The following ARL8B variants were observed in gnomAD, a reference collection of about 807,000 sequenced individuals.
The protein encoded by ARL8B is ADP-ribosylation factor-like protein 8B.
A neutral mutation model predicts 30.6 loss-of-function variants in ARL8B; 9 were observed. The observed-to-expected ratio is 0.29, with a 90% confidence interval of 0.18 to 0.51. The LOEUF is 0.51. Ranked by LOEUF, ARL8B falls within the 20% of genes least tolerant of loss-of-function variation. The pLI, the probability that ARL8B is intolerant of heterozygous loss-of-function variation, is 0.97. For missense variants in ARL8B, 130 were observed against 227.2 expected, an observed-to-expected ratio of 0.57 and a Z score of 2.75; for synonymous variants, 74 against 76.0, an observed-to-expected ratio of 0.97 and a Z score of 0.14.
intron 1 of ARL8B, chr3:5,156,894 C>T (rs2054538589): frequency 6.6e-6 from 1 of 152,192 alleles, no homozygotes; most frequent in African/African-American, 2.4e-5. Flanking sequence ...GAGCCAGTCA[C>T]TGTGCCCAGC....
intron 1 of ARL8B, among the ~76,000 whole-genome samples, chr3:5,144,170 A>G (rs2054399811): frequency 6.6e-6 from 1 of 152,186 alleles, no homozygotes; most frequent in Admixed American, 6.5e-5. Context: ...GGCCAAATCT[A>G]GGTACATTCT....
At chr3:5,124,155 C>T (rs1443429039) in intron 1 of ARL8B, among the ~76,000 whole-genome samples, 1 of 152,064 alleles carries the variant, frequency 6.6e-6, no homozygotes, top group Non-Finnish European at 1.5e-5. Flanking sequence ...AGGTGTGAGC[C>T]ACCGCGCCTG....
chr3:5,173,434 G>A (rs2054695438), intron 4 of ARL8B, among the ~76,000 whole-genome samples: 1 of 152,218 alleles, frequency 6.6e-6, no homozygotes, highest in African/African-American at 2.4e-5. Context: ...TAGTAAACCT[G>A]TACTAAGAAT....
At chr3:5,164,737 C>A (rs964740593) in intron 1 of ARL8B, among the ~76,000 whole-genome samples, 1 of 152,130 alleles carries the variant, frequency 6.6e-6, no homozygotes, top group African/African-American at 2.4e-5. Flanking sequence ...CCAATAATAT[C>A]ATTTGTTGCC....
At chr3:5,173,098 T>C (rs2054691361) in intron 4 of ARL8B, among the ~76,000 whole-genome samples, 1 of 152,122 alleles carries the variant, frequency 6.6e-6, no homozygotes, top group Admixed American at 6.6e-5. Flanking sequence ...GGAAGAAAGG[T>C]GCAAGGGGAT....
At chr3:5,152,247 GT>G (rs1377621642) in intron 1 of ARL8B, among the ~76,000 whole-genome samples, 1 of 152,070 alleles carries the variant, frequency 6.6e-6, no homozygotes, top group Non-Finnish European at 1.5e-5. Context: ...TGCTTTATGT[GT>G]TTTGAAGTTT....
intron 1 of ARL8B, among the ~76,000 whole-genome samples, chr3:5,135,246 G>A (rs528912901): frequency 6.6e-6 from 1 of 152,168 alleles, no homozygotes; most frequent in African/African-American, 2.4e-5. Context: ...AGAACGTTCA[G>A]TAAAAATTAT....
intron 1 of ARL8B, among the ~76,000 whole-genome samples, chr3:5,137,093 G>T (rs1018550398): frequency 1.3e-5 from 2 of 152,080 alleles, no homozygotes; most frequent in African/African-American, 4.8e-5. Context: ...GGATCAGGCA[G>T]GCCTAAATTT....
intron 2 of ARL8B, chr3:5,170,794 C>T (rs1440060797): frequency 1.5e-5 from 6 of 409,210 alleles, no homozygotes; most frequent in Non-Finnish European, 2.2e-5. Flanking sequence ...TGCAGTGTCG[C>T]GATCTCCACT....
At chr3:5,143,066 G>T (rs2054388544) in intron 1 of ARL8B, among the ~76,000 whole-genome samples, 1 of 152,204 alleles carries the variant, frequency 6.6e-6, no homozygotes, top group Non-Finnish European at 1.5e-5. Context: ...ATCTGGTTCA[G>T]GGCAAAGATG....
chr3:5,141,335 C>A (rs948712190), intron 1 of ARL8B, among the ~76,000 whole-genome samples: 1 of 152,200 alleles, frequency 6.6e-6, no homozygotes, highest in African/African-American at 2.4e-5. Context: ...CATCTAAACC[C>A]TTTTGGTCCT....
intron 1 of ARL8B, among the ~76,000 whole-genome samples, chr3:5,125,085 A>T (rs2054218839): frequency 6.6e-6 from 1 of 152,146 alleles, no homozygotes; most frequent in South Asian, 2.1e-4. Flanking sequence ...ACAGCCCTGG[A>T]TTTGAAATCT....
rs11927178 is a variant in ARL8B, at chr3:5,166,185, A to G, written c.124-4318A>G. 9.2e-3 allele frequency among the ~76,000 whole-genome samples: 1,387 copies of G among 151,252 alleles called. 18 individuals carry two copies. Among genetic ancestry groups the G allele is most frequent in the African/African-American group, 0.031 (1,293 of 41,190 alleles). On this transcript the variant is annotated intron_variant, in intron 1 of 6. Coordinates refer to ENST00000256496, the MANE Select transcript of ARL8B (RefSeq NM_018184.3). ...CTCCCAAGTAGTTGGGATTACAGGC[A>G]CGCGCCACCACCCCCAGCTAATTTT...
At chr3:5,132,228 G>C (rs1289526056) in intron 1 of ARL8B, among the ~76,000 whole-genome samples, 1 of 151,786 alleles carries the variant, frequency 6.6e-6, no homozygotes, top group Non-Finnish European at 1.5e-5. Flanking sequence ...CCCTAAGTTA[G>C]GATTGATCAT....
At chr3:5,122,974 T>G (rs1171479079) in intron 1 of ARL8B, among the ~76,000 whole-genome samples, 3 of 152,102 alleles carry the variant, frequency 2.0e-5, no homozygotes, top group Admixed American at 6.6e-5. Context: ...TCCCAAAGGG[T>G]GGGATTTGGC....
chr3:5,126,927 G>A (rs372920276), intron 1 of ARL8B, among the ~76,000 whole-genome samples: 2 of 152,118 alleles, frequency 1.3e-5, no homozygotes, highest in African/African-American at 4.8e-5. Flanking sequence ...AATAGGATTT[G>A]CCAAAATAAT....
intron 1 of ARL8B, among the ~76,000 whole-genome samples, chr3:5,150,132 T>C (rs1463464774): frequency 1.3e-5 from 2 of 152,182 alleles, no homozygotes; most frequent in African/African-American, 4.8e-5. Context: ...CTTCTGTTTT[T>C]GGAGATTATG....
At chr3:5,151,872 A>G (rs397188) in intron 1 of ARL8B, among the ~76,000 whole-genome samples, 151,740 of 152,198 alleles carry the variant, frequency 1, 75,641 homozygotes, top group Middle Eastern at 1. Flanking sequence ...CCACAGGCTC[A>G]CACGACCACG....
At position 5,174,410 on chromosome 3, in the gene ARL8B, T is replaced by C; in HGVS notation, c.507T>C (p.Asn169=). The C allele has an allele frequency of 1.9e-6, 3 of 1,592,398 alleles. No homozygotes were observed. The highest frequency in any genetic ancestry group is 2.6e-6 in the Non-Finnish European group (3 of 1,160,902). Residue 169 remains asparagine, a synonymous_variant, in exon 6 of 7, where the codon AAT becomes AAC. Transcript: ENST00000256496. ...CAATTTCTTGCAAAGAAAAGGATAATATAGGTAAGAAATGACTGGTAATTT... is the reference window on the plus strand; with the variant it reads ...CAATTTCTTGCAAAGAAAAGGATAACATAGGTAAGAAATGACTGGTAATTT... ...CYSISCKEKD[N]IDITLQWLIQ...
Sources: gnomAD v4.1 joint callset for allele counts (sites outside exome capture counted in the v4.1 genomes callset) on GRCh38, gnomAD v4.1.1 for gene constraint, MANE v1.5 for transcripts, NCBI Gene and HGNC (gene_info 2026-07-23, HGNC 2026-07-21) for gene names.